PLEKHA7: variants seen among roughly 807,000 people sequenced by gnomAD.
PLEKHA7 encodes pleckstrin homology domain containing A7.
Under a neutral mutation model 170.0 loss-of-function variants are expected in PLEKHA7, and 104 were observed. The ratio of observed to expected loss-of-function variants is 0.61; its 90% CI spans 0.52 to 0.72. PLEKHA7 has a LOEUF of 0.72. Among genes scored for constraint, PLEKHA7 ranks in the 30% least tolerant of loss-of-function variants. PLEKHA7 has a pLI of 0.00. For synonymous variants in PLEKHA7, 648 were observed against 660.8 expected, an observed-to-expected ratio of 0.98 and a Z score of 0.30; for missense variants, 1,615 against 1,671.7, an observed-to-expected ratio of 0.97 and a Z score of 0.59.
rs116758177 is a variant in PLEKHA7, at chr11:16,820,797, C to T, written c.1344-3475G>A. ...TAGCTGCACCTCAAATCCCTAAGCT[C>T]ATCCTCTAACCTGTACCCTCCATTT... On this transcript the variant is annotated intron_variant, in intron 10 of 26. Coordinates refer to ENST00000531066, the MANE Select transcript of PLEKHA7 (RefSeq NM_001329630.2). Among the ~76,000 whole-genome samples, 113 of 152,316 alleles carry T rather than the reference C, an allele frequency of 7.4e-4. 1 individual carries two copies. Among genetic ancestry groups the T allele is most frequent in the African/African-American group, 2.6e-3 (109 of 41,568 alleles).
intron 13 of PLEKHA7, among the ~76,000 whole-genome samples, chr11:16,805,986 A>G (rs905232350): frequency 2.6e-5 from 4 of 152,168 alleles, no homozygotes; most frequent in Non-Finnish European, 4.4e-5. Flanking sequence ...CACCCAGCAC[A>G]TTAGAGTACA....
At chr11:16,823,958 C>T (rs1432139918) in intron 10 of PLEKHA7, among the ~76,000 whole-genome samples, 3 of 152,192 alleles carry the variant, frequency 2.0e-5, no homozygotes, top group Non-Finnish European at 2.9e-5. Context: ...TTTGCAACAA[C>T]ATAGATGGAA....
intron 3 of PLEKHA7, among the ~76,000 whole-genome samples, chr11:16,966,626 AAC>A (rs1368106821): frequency 6.6e-6 from 1 of 152,138 alleles, no homozygotes. Context: ...AATCTGCAGT[AAC>A]ACACACCACT....
intron 24 of PLEKHA7, 148 bp from the exon 25 acceptor site, chr11:16,783,981 T>C (rs1266633762): frequency 5.5e-6 from 5 of 907,782 alleles, no homozygotes; most frequent in Middle Eastern, 2.6e-4. Context: ...AATTAGTCAG[T>C]TGTGGAATCC....
chr11:16,950,806 G>C (rs1319282205), intron 3 of PLEKHA7, among the ~76,000 whole-genome samples: 1 of 152,100 alleles, frequency 6.6e-6, no homozygotes, highest in African/African-American at 2.4e-5. Context: ...AGATACCCTT[G>C]CCTAACTCCC....
At chr11:16,939,370 T>G (rs1051225765) in intron 3 of PLEKHA7, among the ~76,000 whole-genome samples, 2 of 152,052 alleles carry the variant, frequency 1.3e-5, no homozygotes, top group African/African-American at 4.8e-5. Flanking sequence ...CCCGAGATCG[T>G]GCCACTGCAC....
At chr11:16,941,298 G>A (rs969426955) in intron 3 of PLEKHA7, among the ~76,000 whole-genome samples, 33 of 152,178 alleles carry the variant, frequency 2.2e-4, no homozygotes, top group Non-Finnish European at 3.1e-4. Context: ...CTGACTGGTC[G>A]TCCAGCTTGG....
At chr11:16,870,030 C>CT (rs113385092) in intron 4 of PLEKHA7, among the ~76,000 whole-genome samples, 1,837 of 152,216 alleles carry the variant, frequency 0.012, 19 homozygotes, top group Non-Finnish European at 0.016. Context: ...TCTTACCTTC[C>CT]TTTTTTGGGA....
At chr11:16,803,174 G>C in intron 14 of PLEKHA7, 53 bp downstream of exon 14, 1 of 1,580,870 alleles carries the variant, frequency 6.3e-7, no homozygotes, top group Non-Finnish European at 8.7e-7. Flanking sequence ...TGTTCACCCG[G>C]GGTCTGGGTC....
At chr11:16,790,154 G>T in intron 21 of PLEKHA7, 1 of 454,404 alleles carries the variant, frequency 2.2e-6, no homozygotes, top group Non-Finnish European at 4.0e-6. Context: ...GGGCTGCCTG[G>T]CAGGTAGAAA....
At chr11:16,832,414 T>C (rs571629583) in intron 9 of PLEKHA7, among the ~76,000 whole-genome samples, 2 of 152,224 alleles carry the variant, frequency 1.3e-5, no homozygotes, top group Non-Finnish European at 2.9e-5. Flanking sequence ...TTATTTTCCC[T>C]TGCAAGTGGG....
intron 9 of PLEKHA7, among the ~76,000 whole-genome samples, chr11:16,836,124 G>T (rs1221706747): frequency 6.6e-6 from 1 of 152,222 alleles, no homozygotes; most frequent in Admixed American, 6.5e-5. Context: ...TTCTAGACCA[G>T]ACTCTGGCTC....
chr11:16,902,448 A>C (rs931131336), intron 3 of PLEKHA7, among the ~76,000 whole-genome samples: 5 of 152,140 alleles, frequency 3.3e-5, no homozygotes, highest in African/African-American at 1.2e-4. Flanking sequence ...ACCATTTTAC[A>C]CTTCTACCAG....
intron 4 of PLEKHA7, among the ~76,000 whole-genome samples, chr11:16,865,386 G>A (rs899885025): frequency 1.3e-5 from 2 of 152,178 alleles, no homozygotes; most frequent in Admixed American, 6.5e-5. Context: ...CTCAGGGGGT[G>A]TAACAAAAAA....
intron 3 of PLEKHA7, among the ~76,000 whole-genome samples, chr11:16,921,800 G>C (rs1859112178): frequency 6.6e-6 from 1 of 152,204 alleles, no homozygotes; most frequent in Non-Finnish European, 1.5e-5. Flanking sequence ...AGCATACGTT[G>C]TCCTGTTTGA....
At chr11:16,969,896 C>T (rs1016753759) in intron 3 of PLEKHA7, among the ~76,000 whole-genome samples, 4 of 152,132 alleles carry the variant, frequency 2.6e-5, no homozygotes, top group African/African-American at 9.7e-5. Flanking sequence ...TCACTTTCAA[C>T]CTGAAGAGCT....
At chr11:16,780,814 C>T (rs1051191285) in intron 26 of PLEKHA7, 9 of 190,146 alleles carry the variant, frequency 4.7e-5, no homozygotes, top group African/African-American at 1.7e-4. Context: ...CGCCAGCGGC[C>T]GCTTTGCCAG....
chr11:16,860,776 C>T (rs1322774843), intron 4 of PLEKHA7, among the ~76,000 whole-genome samples: 1 of 152,160 alleles, frequency 6.6e-6, no homozygotes, highest in Non-Finnish European at 1.5e-5. Context: ...AGACCAACCC[C>T]CAGGTCAAGG....
chr11:16,838,002 A>T (rs1188490697), intron 9 of PLEKHA7, among the ~76,000 whole-genome samples: 1 of 152,214 alleles, frequency 6.6e-6, no homozygotes, highest in East Asian at 1.9e-4. Context: ...AAAAGACCAG[A>T]CTATCAGAAA....
Sources: gnomAD v4.1 joint callset for allele counts (sites outside exome capture counted in the v4.1 genomes callset) on GRCh38, gnomAD v4.1.1 for gene constraint, MANE v1.5 for transcripts, NCBI Gene and HGNC (gene_info 2026-07-23, HGNC 2026-07-21) for gene names.